Variants in ULK4 observed in about 807,000 individuals in gnomAD.
The protein encoded by ULK4 is unc-51 like kinase 4.
ULK4 carries 133 observed loss-of-function variants against 160.6 expected under a neutral mutation model. That is an observed-to-expected ratio of 0.83 (90% CI 0.72 to 0.96). The LOEUF (loss-of-function observed/expected upper bound fraction) is 0.96, where lower values mean the gene tolerates loss of function less well. Among genes scored for constraint, ULK4 ranks in the 40% least tolerant of loss-of-function variants. The pLI, the probability that ULK4 is intolerant of heterozygous loss-of-function variation, is 0.00. For missense variants in ULK4, 1,580 were observed against 1,499.5 expected, an observed-to-expected ratio of 1.05 and a Z score of -0.89; for synonymous variants, 534 against 539.8, an observed-to-expected ratio of 0.99 and a Z score of 0.15.
chr3:41,696,661 T>G (rs1030032749), intron 27 of ULK4, among the ~76,000 whole-genome samples: 2 of 152,196 alleles, frequency 1.3e-5, no homozygotes, highest in Non-Finnish European at 2.9e-5. Context: ...ACCGACCCTG[T>G]GGGGCTGGTC....
At chr3:41,771,860 C>G (rs1006145629) in intron 21 of ULK4, among the ~76,000 whole-genome samples, 1 of 152,048 alleles carries the variant, frequency 6.6e-6, no homozygotes, top group Non-Finnish European at 1.5e-5. Context: ...TTTTAAAATC[C>G]ATGTGACTTT....
intron 35 of ULK4, among the ~76,000 whole-genome samples, chr3:41,294,465 C>A (rs541226295): frequency 6.6e-6 from 1 of 152,314 alleles, no homozygotes; most frequent in African/African-American, 2.4e-5. Flanking sequence ...TCATTTGAGA[C>A]CAGCTGTCAC....
intron 32 of ULK4, among the ~76,000 whole-genome samples, chr3:41,536,540 C>T (rs758968540): frequency 1.3e-5 from 2 of 152,138 alleles, no homozygotes; most frequent in Admixed American, 6.5e-5. Context: ...TTACTGATAA[C>T]GTAAATAGTT....
At chr3:41,767,624 C>T (rs984608470) in intron 21 of ULK4, among the ~76,000 whole-genome samples, 6 of 151,934 alleles carry the variant, frequency 3.9e-5, no homozygotes, top group Middle Eastern at 6.8e-3. Context: ...CATAATTGAG[C>T]CATGCAAAAA....
intron 2 of ULK4, among the ~76,000 whole-genome samples, chr3:41,951,653 G>C (rs1700299551): frequency 6.6e-6 from 1 of 152,200 alleles, no homozygotes; most frequent in Non-Finnish European, 1.5e-5. Flanking sequence ...ATGTAAAAGA[G>C]AGAAGTTGGA....
chr3:41,851,963 G>C (rs1356445683), intron 17 of ULK4, among the ~76,000 whole-genome samples: 1 of 152,094 alleles, frequency 6.6e-6, no homozygotes, highest in Non-Finnish European at 1.5e-5. Flanking sequence ...TCCAGGAGCT[G>C]GTTTTTTGGA....
chr3:41,520,980 T>A (rs1036679702), intron 32 of ULK4, among the ~76,000 whole-genome samples: 2 of 152,202 alleles, frequency 1.3e-5, no homozygotes. Flanking sequence ...AGATATGTGA[T>A]TTGCAAATAT....
At chr3:41,376,523 A>G (rs2081500359) in intron 35 of ULK4, among the ~76,000 whole-genome samples, 1 of 150,124 alleles carries the variant, frequency 6.7e-6, no homozygotes, top group African/African-American at 2.5e-5. Flanking sequence ...AATTTCAGCA[A>G]AGTCTCAGGA....
intron 32 of ULK4, 33 bp downstream of exon 32, chr3:41,565,991 AC>A (rs2087768247): frequency 1.9e-6 from 3 of 1,569,504 alleles, no homozygotes; most frequent in Admixed American, 3.4e-5. Context: ...AATAGGCAAA[AC>A]TTGATCAGAG....
intron 18 of ULK4, among the ~76,000 whole-genome samples, chr3:41,827,121 G>A (rs2041388775): frequency 6.9e-6 from 1 of 145,632 alleles, no homozygotes; most frequent in African/African-American, 2.6e-5. Context: ...CGAGAACAAA[G>A]ACACAACATA....
chr3:41,584,150 T>G (rs544847018), intron 31 of ULK4, among the ~76,000 whole-genome samples: 16 of 152,272 alleles, frequency 1.1e-4, no homozygotes, highest in African/African-American at 3.9e-4. Context: ...GAGAAGAGAT[T>G]GGGAGAAGAT....
intron 8 of ULK4, 70 bp from the exon 9 acceptor site, chr3:41,912,969 C>T: frequency 7.3e-7 from 1 of 1,366,936 alleles, no homozygotes; most frequent in Non-Finnish European, 1.0e-6. Flanking sequence ...AAGACATGTC[C>T]CAATTACACA....
At chr3:41,827,947 C>A (rs1264503274) in intron 18 of ULK4, among the ~76,000 whole-genome samples, 1 of 152,030 alleles carries the variant, frequency 6.6e-6, no homozygotes, top group East Asian at 1.9e-4. Context: ...AAAGCTTATC[C>A]ACCATGATCA....
At chr3:41,495,188 C>T (rs1282343913) in intron 32 of ULK4, among the ~76,000 whole-genome samples, 1 of 151,990 alleles carries the variant, frequency 6.6e-6, no homozygotes, top group Non-Finnish European at 1.5e-5. Context: ...CTATACAAGG[C>T]TACAGTAACC....
At chr3:41,638,513 G>C (rs1373747738) in intron 30 of ULK4, among the ~76,000 whole-genome samples, 1 of 152,128 alleles carries the variant, frequency 6.6e-6, no homozygotes, top group Non-Finnish European at 1.5e-5. Context: ...TCACCGCCTG[G>C]GTTTTTTTTC....
intron 7 of ULK4, among the ~76,000 whole-genome samples, chr3:41,916,268 A>G (rs1015209330): frequency 6.6e-6 from 1 of 152,196 alleles, no homozygotes; most frequent in Non-Finnish European, 1.5e-5. Context: ...TTTTTCCTAG[A>G]TCACAAAAAA....
At chr3:41,456,968 G>A (rs1303279649) in intron 33 of ULK4, among the ~76,000 whole-genome samples, 1 of 152,160 alleles carries the variant, frequency 6.6e-6, no homozygotes, top group Non-Finnish European at 1.5e-5. Flanking sequence ...AGGAGAACAA[G>A]GGTCATCATT....
intron 16 of ULK4, among the ~76,000 whole-genome samples, chr3:41,892,765 A>G (rs913094449): frequency 7.2e-5 from 11 of 152,224 alleles, no homozygotes; most frequent in Non-Finnish European, 1.2e-4. Flanking sequence ...TATCTGGACC[A>G]TAAGACACCA....
intron 30 of ULK4, among the ~76,000 whole-genome samples, chr3:41,657,818 T>TAAAAAAAAAAAAA (rs60281588): frequency 0.011 from 1,124 of 99,508 alleles, 90 homozygotes; most frequent in African/African-American, 0.025. Flanking sequence ...TCCATCTCAT[T>TAAAAAAAAAAAAA]AAAAAAAAAA....
Sources: gnomAD v4.1 joint callset for allele counts (sites outside exome capture counted in the v4.1 genomes callset) on GRCh38, gnomAD v4.1.1 for gene constraint, MANE v1.5 for transcripts, NCBI Gene and HGNC (gene_info 2026-07-23, HGNC 2026-07-21) for gene names.